ATG4A: variants seen among roughly 807,000 people sequenced by gnomAD.
ATG4A encodes the protein cysteine protease ATG4A.
A neutral mutation model predicts 38.4 loss-of-function variants in ATG4A; 22 were observed. That is an observed-to-expected ratio of 0.57 (90% CI 0.41 to 0.82). The LOEUF is 0.82. Among genes scored for constraint, ATG4A ranks in the 40% least tolerant of loss-of-function variants. ATG4A has a pLI of 0.00. For synonymous variants in ATG4A, 86 were observed against 100.7 expected, an observed-to-expected ratio of 0.85 and a Z score of 0.88; for missense variants, 220 against 290.0, an observed-to-expected ratio of 0.76 and a Z score of 1.75.
chrX:108,152,886 A>G, intron 11 of ATG4A, 93 bp from the exon 12 acceptor site: 1 of 631,145 alleles, frequency 1.6e-6, no homozygotes, highest in Admixed American at 2.5e-5. Context: ...CCTGGAAACC[A>G]GCAGACCACT....
intron 4 of ATG4A, among the ~76,000 whole-genome samples, chrX:108,132,242 T>C (rs950857409): frequency 8.9e-6 from 1 of 112,076 alleles, no homozygotes; most frequent in African/African-American, 3.2e-5. Context: ...GACATGTACA[T>C]ACTTCCCTAT....
chrX:108,096,204 A>G (rs865842628), intron 1 of ATG4A, among the ~76,000 whole-genome samples: 67 of 112,366 alleles, frequency 6.0e-4, no homozygotes, highest in African/African-American at 2.1e-3. Context: ...AGTTTTTTTC[A>G]TATATAAGCA....
chrX:108,142,470 AAT>A (rs779625249), intron 9 of ATG4A, among the ~76,000 whole-genome samples: 1 of 109,584 alleles, frequency 9.1e-6, no homozygotes, highest in Admixed American at 9.8e-5. Context: ...TATATGTGTG[AAT>A]ATATATATGT....
chrX:108,140,990 A>G (rs1270634392), intron 9 of ATG4A, among the ~76,000 whole-genome samples: 3 of 86,781 alleles, frequency 3.5e-5, no homozygotes, highest in African/African-American at 1.4e-4. Context: ...ATATATACGT[A>G]TATATATACA....
At chrX:108,128,674 TA>T (rs61191454) in intron 2 of ATG4A, 106 bp from the exon 3 acceptor site, 195,452 of 462,190 alleles carry the variant, frequency 0.42, 32,243 homozygotes, top group Non-Finnish European at 0.47. Context: ...AGCCCCATAA[TA>T]ATGGAATTGA....
At chrX:108,089,435 A>G (rs768068894), upstream of ATG4A, among the ~76,000 whole-genome samples, 12 of 112,759 alleles carry the variant, frequency 1.1e-4, no homozygotes, top group African/African-American at 3.2e-4. Flanking sequence ...AGAAATGTTC[A>G]TTAAACTAGT....
rs765941960 is a variant in ATG4A at position 108,126,113 on chromosome X, C to T, written c.47C>T (p.Thr16Ile). The T allele has an allele frequency of 2.5e-6, 3 of 1,206,136 alleles. No homozygotes were observed. The Admixed American group carries it at 6.5e-5, about 26-fold the overall frequency. Residue 16 changes from threonine (T) to isoleucine (I), a missense_variant, in exon 2 of 13, where the codon ACT becomes ATT. Physicochemically the swap from Thr to Ile is moderately conservative, Grantham distance 89. Around this residue, in one of 3 missense-constraint regions of ATG4A, gnomAD observed 61 missense variants for 83.3 expected, o/e 0.73. Coordinates refer to ENST00000372232, the MANE Select transcript of ATG4A (RefSeq NM_052936.5). Reference protein sequence around the residue: ...SKYEDQITIFTDYLEEYPDTD... With the variant: ...SKYEDQITIFIDYLEEYPDTD... The stretch of plus-strand genomic sequence containing the variant: ...TATGAAGATCAGATTACTATTTTCA[C>T]TGACTACCTAGAAGAATATCCAGAT...
chrX:108,122,891 A>T (rs1014539981), intron 1 of ATG4A, among the ~76,000 whole-genome samples: 2 of 112,165 alleles, frequency 1.8e-5, no homozygotes, highest in Non-Finnish European at 3.8e-5. Flanking sequence ...GATTACACGC[A>T]TGCATAGGGC....
chrX:108,090,700 C>T (rs949806346), upstream of ATG4A, among the ~76,000 whole-genome samples: 2 of 112,032 alleles, frequency 1.8e-5, no homozygotes, highest in African/African-American at 6.5e-5. Context: ...CACCATGAAT[C>T]CTAGAAACTG....
intron 2 of ATG4A, 67 bp from the exon 3 acceptor site, chrX:108,128,714 G>A (rs2032868522): frequency 1.4e-6 from 1 of 703,734 alleles, no homozygotes; most frequent in South Asian, 3.2e-5. Flanking sequence ...GTTAGTAGCT[G>A]GCTCAGAAGT....
At chrX:108,140,924 A>G (rs1341014518) in intron 9 of ATG4A, among the ~76,000 whole-genome samples, 2 of 69,065 alleles carry the variant, frequency 2.9e-5, no homozygotes, top group African/African-American at 1.0e-4. Context: ...ATATACATAT[A>G]TACATATATA....
intron 1 of ATG4A, among the ~76,000 whole-genome samples, chrX:108,122,707 C>T (rs1166779564): frequency 8.9e-6 from 1 of 111,973 alleles, no homozygotes; most frequent in Non-Finnish European, 1.9e-5. Flanking sequence ...CTACAGAAAG[C>T]CTTTTCCCCA....
chrX:108,146,677 C>T (rs2033430410), intron 9 of ATG4A, among the ~76,000 whole-genome samples: 1 of 111,743 alleles, frequency 8.9e-6, no homozygotes, highest in Non-Finnish European at 1.9e-5. Flanking sequence ...CTTCTGGACC[C>T]TCCCAGCTGG....
intron 1 of ATG4A, among the ~76,000 whole-genome samples, chrX:108,119,239 C>T (rs1053221135): frequency 4.5e-5 from 5 of 111,789 alleles, no homozygotes; most frequent in Non-Finnish European, 9.4e-5. Context: ...CTATCCAATA[C>T]GGTAACCACC....
chrX:108,125,245 C>G (rs1440013981), intron 1 of ATG4A, among the ~76,000 whole-genome samples: 3 of 110,231 alleles, frequency 2.7e-5, no homozygotes, highest in Non-Finnish European at 3.8e-5. Flanking sequence ...TAACCAGCCT[C>G]CATCCAGAAG....
intron 1 of ATG4A, among the ~76,000 whole-genome samples, chrX:108,093,536 A>G (rs2031705588): frequency 8.9e-6 from 1 of 112,147 alleles, no homozygotes; most frequent in African/African-American, 3.2e-5. Flanking sequence ...TTAGTATGTA[A>G]GTCTTCGTGC....
At chrX:108,095,392 T>A (rs941358481) in intron 1 of ATG4A, among the ~76,000 whole-genome samples, 3 of 111,329 alleles carry the variant, frequency 2.7e-5, no homozygotes, top group African/African-American at 9.8e-5. Flanking sequence ...ACTCAGCCAA[T>A]TTATGATTTT....
intron 1 of ATG4A, 193 bp downstream of exon 1, chrX:108,092,029 C>G: frequency 1.5e-6 from 1 of 676,095 alleles, no homozygotes; most frequent in Non-Finnish European, 2.1e-6. Context: ...TGAGTACTAC[C>G]TACTGAGCTC....
At chrX:108,112,570 A>AT (rs1353592768) in intron 1 of ATG4A, among the ~76,000 whole-genome samples, 3 of 107,812 alleles carry the variant, frequency 2.8e-5, no homozygotes, top group Non-Finnish European at 5.8e-5. Context: ...TTTTTTTTGT[A>AT]TTTTTTAGTA....
Sources: allele counts gnomAD v4.1 joint callset (sites outside exome capture counted in the v4.1 genomes callset), GRCh38; gene constraint gnomAD v4.1.1; regional missense constraint gnomAD v4.1.1; transcripts MANE v1.5; gene names NCBI Gene and HGNC (gene_info 2026-07-23, HGNC 2026-07-21).